IL1RAPL2: variants seen among roughly 807,000 people sequenced by gnomAD.
The protein encoded by IL1RAPL2 is interleukin 1 receptor accessory protein like 2.
In IL1RAPL2, 3 loss-of-function variants were observed where a neutral mutation model predicts 44.1. The observed-to-expected ratio is 0.07, with a 90% confidence interval of 0.03 to 0.18. IL1RAPL2 has a LOEUF of 0.18. IL1RAPL2 is among the 10% of genes least tolerant of loss of function. IL1RAPL2 has a pLI of 1.00. For missense variants in IL1RAPL2, 391 were observed against 496.4 expected (o/e 0.79, Z 2.02); for synonymous variants, 181 against 178.8 (o/e 1.01, Z -0.10).
intron 6 of IL1RAPL2, among the ~76,000 whole-genome samples, chrX:105,667,757 A>G (rs1283048816): frequency 9.0e-6 from 1 of 111,512 alleles, no homozygotes; most frequent in Non-Finnish European, 1.9e-5. Flanking sequence ...GTAGAATATT[A>G]TTAATAACAT....
At position 105,239,161 on chromosome X, in the gene IL1RAPL2, A is replaced by G. The variant is rs782082542; in HGVS notation, c.543+5157A>G. On this transcript the variant is annotated intron_variant, in intron 4 of 10. Transcript: ENST00000372582. ...AATACCTGATGGGATATATTTCTCC[A>G]CAGGCCACAAGCACCAGCAGTTGCA... Among the ~76,000 whole-genome samples the G allele has an allele frequency of 2.7e-5, 3 of 112,064 alleles. No homozygotes were observed. The East Asian group carries it at 8.5e-4, about 32-fold the overall frequency.
At chrX:105,582,180 A>G (rs1056168933) in intron 6 of IL1RAPL2, among the ~76,000 whole-genome samples, 3 of 111,815 alleles carry the variant, frequency 2.7e-5, no homozygotes, top group African/African-American at 9.7e-5. Context: ...CATCACTAAA[A>G]TCAATATTGT....
At chrX:104,689,023 C>T (rs1320264821) in intron 2 of IL1RAPL2, among the ~76,000 whole-genome samples, 1 of 111,400 alleles carries the variant, frequency 9.0e-6, no homozygotes, top group Non-Finnish European at 1.9e-5. Flanking sequence ...ACCATCTGAC[C>T]TTCAAAGTTG....
intron 7 of IL1RAPL2, among the ~76,000 whole-genome samples, chrX:105,728,118 C>T (rs2038367612): frequency 9.0e-6 from 1 of 111,430 alleles, no homozygotes; most frequent in Admixed American, 9.5e-5. Context: ...TGACATGTAT[C>T]CACCATTACA....
chrX:105,617,298 C>G (rs759821215), intron 6 of IL1RAPL2, among the ~76,000 whole-genome samples: 1 of 110,616 alleles, frequency 9.0e-6, no homozygotes, highest in Non-Finnish European at 1.9e-5. Flanking sequence ...TGAATTTTAA[C>G]GAGCTACTCA....
At chrX:105,394,067 A>G (rs764401497) in intron 5 of IL1RAPL2, among the ~76,000 whole-genome samples, 54 of 112,338 alleles carry the variant, frequency 4.8e-4, no homozygotes, top group Non-Finnish European at 8.8e-4. Flanking sequence ...CTGAACTGTC[A>G]TGAGAAGTTT....
intron 2 of IL1RAPL2, among the ~76,000 whole-genome samples, chrX:105,184,794 G>A (rs782321749): frequency 1.8e-5 from 2 of 110,750 alleles, no homozygotes; most frequent in East Asian, 2.8e-4. Flanking sequence ...GAAAAAAAAT[G>A]TAATGAATTT....
intron 1 of IL1RAPL2, among the ~76,000 whole-genome samples, chrX:104,646,424 G>A (rs1259019790): frequency 9.1e-6 from 1 of 109,718 alleles, no homozygotes; most frequent in Non-Finnish European, 1.9e-5. Context: ...TAGGCTCATT[G>A]CACTTTGTAT....
At chrX:105,532,974 G>A (rs973608999) in intron 6 of IL1RAPL2, among the ~76,000 whole-genome samples, 6 of 110,372 alleles carry the variant, frequency 5.4e-5, no homozygotes, top group Non-Finnish European at 9.5e-5. Context: ...GGTGGATCAC[G>A]AGGTCAGGAT....
At chrX:104,759,531 A>T (rs760283400) in intron 2 of IL1RAPL2, among the ~76,000 whole-genome samples, 3 of 111,614 alleles carry the variant, frequency 2.7e-5, no homozygotes, top group Admixed American at 9.6e-5. Context: ...CATATGGTAT[A>T]TTAAAAATTC....
chrX:105,544,541 A>C (rs1435330425), intron 6 of IL1RAPL2, among the ~76,000 whole-genome samples: 4 of 111,582 alleles, frequency 3.6e-5, no homozygotes, highest in African/African-American at 1.3e-4. Context: ...TACTGGCTGC[A>C]TGGTGTACCT....
chrX:105,262,054 G>C (rs1373703906), intron 4 of IL1RAPL2, among the ~76,000 whole-genome samples: 1 of 111,925 alleles, frequency 8.9e-6, no homozygotes, highest in Admixed American at 9.5e-5. Flanking sequence ...GCTAGAAAAG[G>C]GTAAAGAGTT....
At chrX:105,243,079 A>G (rs1431130045) in intron 4 of IL1RAPL2, among the ~76,000 whole-genome samples, 2 of 110,265 alleles carry the variant, frequency 1.8e-5, no homozygotes, top group African/African-American at 3.3e-5. Context: ...AGTCTGGGTG[A>G]CAGAGGGAGA....
intron 3 of IL1RAPL2, among the ~76,000 whole-genome samples, chrX:105,220,988 G>C (rs1179336370): frequency 4.5e-5 from 5 of 112,138 alleles, no homozygotes; most frequent in Non-Finnish European, 7.5e-5. Context: ...AGAGGTTGAA[G>C]GGGGAATAAT....
chrX:104,627,981 A>G (rs1285805726), intron 1 of IL1RAPL2, among the ~76,000 whole-genome samples: 3 of 112,182 alleles, frequency 2.7e-5, no homozygotes, highest in Admixed American at 9.5e-5. Flanking sequence ...CCAATTTTAA[A>G]TAACGTTAAG....
Position 105,622,552 on chromosome X carries a change from G to A in IL1RAPL2, c.773-94815G>A, listed in dbSNP as rs771582922. Reference sequence around the variant, plus strand: ...CTGAGAGTACATAGGATTCTTTGAGGTTATCTCTTCCAGCTTCTCTCCCAA... The same window carrying A: ...CTGAGAGTACATAGGATTCTTTGAGATTATCTCTTCCAGCTTCTCTCCCAA... On this transcript the variant is annotated intron_variant, in intron 6 of 10. Coordinates refer to ENST00000372582, the MANE Select transcript of IL1RAPL2 (RefSeq NM_017416.2). Among the ~76,000 whole-genome samples, 62 of 110,545 alleles carry A rather than the reference G, an allele frequency of 5.6e-4. 1 individual carries two copies. Among genetic ancestry groups the A allele is most frequent in the African/African-American group, 2.0e-3 (60 of 30,602 alleles).
At chrX:104,979,735 G>C (rs767955147) in intron 2 of IL1RAPL2, among the ~76,000 whole-genome samples, 12 of 112,042 alleles carry the variant, frequency 1.1e-4, no homozygotes, top group African/African-American at 3.5e-4. Context: ...AAATAACATA[G>C]AAGCAAATCC....
intron 6 of IL1RAPL2, among the ~76,000 whole-genome samples, chrX:105,616,957 G>A (rs1047672144): frequency 9.1e-6 from 1 of 109,675 alleles, no homozygotes; most frequent in African/African-American, 3.3e-5. Flanking sequence ...TGGCACTACC[G>A]TGACCCTGGG....
chrX:105,289,050 T>C (rs2034592742), intron 5 of IL1RAPL2, among the ~76,000 whole-genome samples: 1 of 110,906 alleles, frequency 9.0e-6, no homozygotes, highest in Non-Finnish European at 1.9e-5. Flanking sequence ...ACGTTACCAT[T>C]ATGTATTGAT....
Sources: gnomAD v4.1 joint callset for allele counts (sites outside exome capture counted in the v4.1 genomes callset) on GRCh38, gnomAD v4.1.1 for gene constraint, MANE v1.5 for transcripts, NCBI Gene and HGNC (gene_info 2026-07-23, HGNC 2026-07-21) for gene names.